REG3G: variants seen among roughly 807,000 people sequenced by gnomAD.
The protein encoded by REG3G is regenerating islet-derived protein 3-gamma.
In REG3G, 19 loss-of-function variants were observed where a neutral mutation model predicts 20.9. The ratio of observed to expected loss-of-function variants is 0.91; its 90% CI spans 0.64 to 1.34. REG3G has a LOEUF of 1.34. Among genes scored for constraint, REG3G ranks in the 40% most tolerant of loss-of-function variants. REG3G has a pLI of 0.00. For synonymous variants in REG3G, 89 were observed against 77.4 expected (o/e 1.15, Z -0.79); for missense variants, 235 against 205.0 (o/e 1.15, Z -0.89).
intron 5 of REG3G, 110 bp downstream of exon 5, chr2:79,028,043 C>T: frequency 2.9e-6 from 4 of 1,385,778 alleles, no homozygotes; most frequent in East Asian, 2.3e-5. Context: ...TATGTGCCTT[C>T]TCCCGTCTCC....
intron 4 of REG3G, 25 bp downstream of exon 4, chr2:79,027,196 G>C (rs1671647513): frequency 1.2e-6 from 2 of 1,612,172 alleles, no homozygotes; most frequent in Non-Finnish European, 1.7e-6. Flanking sequence ...TCCCCTCTCT[G>C]TTACCTCTCA....
chr2:79,026,362 T>A, intron 2 of REG3G, 193 bp downstream of exon 2: 1 of 623,662 alleles, frequency 1.6e-6, no homozygotes, highest in Non-Finnish European at 2.8e-6. Context: ...AACAATGGAA[T>A]GAGATGGCTT....
intron 4 of REG3G, chr2:79,027,395 T>C (rs1573154596): frequency 1.8e-6 from 1 of 542,386 alleles, no homozygotes; most frequent in Non-Finnish European, 3.2e-6. Context: ...GTAAAACTTT[T>C]ACATAATTCT....
chr2:79,027,639 T>A (rs1012340359), intron 4 of REG3G, among the ~76,000 whole-genome samples, 168 bp from the exon 5 acceptor site: 9 of 152,096 alleles, frequency 5.9e-5, no homozygotes, highest in Admixed American at 2.0e-4. Context: ...CCCAAAGCAA[T>A]GAGGAGTTAA....
At chr2:79,027,205 C>A in intron 4 of REG3G, 34 bp downstream of exon 4, 1 of 1,609,860 alleles carries the variant, frequency 6.2e-7, no homozygotes, top group Non-Finnish European at 8.5e-7. Context: ...TGTTACCTCT[C>A]AAGGTACTGT....
Position 79,026,059 on chromosome 2 carries a change from T to C in REG3G, c.-35T>C, listed in dbSNP as rs1671609465. 1 of 1,606,600 alleles carries C rather than the reference T, an allele frequency of 6.2e-7. No homozygotes were observed. The highest frequency in any genetic ancestry group is 1.1e-5 in the South Asian group (1 of 90,910). On this transcript the variant is annotated 5_prime_UTR_variant, in exon 2 of 6. Transcript: ENST00000272324. ...GTCCTCCCGCTGACCACACTTCCTT[T>C]AGTGACCCGATTGCCTCCTCAAGTC...
At chr2:79,028,099 C>G in intron 5 of REG3G, 110 bp from the exon 6 acceptor site, 1 of 1,271,100 alleles carries the variant, frequency 7.9e-7, no homozygotes, top group Non-Finnish European at 1.1e-6. Flanking sequence ...GATTGAGAAA[C>G]TGGTGAAGAT....
rs147143164 is a variant in REG3G, at chr2:79,027,871, G to A, written c.398G>A (p.Trp133Ter). The change falls in exon 5 of 6, where the codon TGG becomes TAG. Residue 133 changes from tryptophan (W) to a stop codon, truncating the protein, a stop_gained. Coordinates refer to ENST00000272324, the MANE Select transcript of REG3G (RefSeq NM_001008387.3). LOFTEE classifies it high-confidence loss of function. The stretch of plus-strand genomic sequence containing the variant: ...ACTGATGTGATGAATTACTTTGCAT[G>A]GGAGAAAAATCCCTCCACCATCTTA... ...SSTDVMNYFA[W>*]EKNPSTILNP... 2.0e-4 allele frequency: 321 copies of A among 1,613,998 alleles called. 2 individuals are homozygous for A. Among genetic ancestry groups the A allele is most frequent in the Middle Eastern group, 8.3e-4 (5 of 6,060 alleles).
rs558631285 is a variant in REG3G, at chr2:79,028,198, T to G, written c.461-11T>G. 4.4e-6 allele frequency: 7 copies of G among 1,601,130 alleles called. No homozygotes were observed. In the African/African-American group the frequency reaches 5.3e-5, roughly 12 times the overall value. ...CCCCAGCCCCATGCCTTTTATATTC[T>G]GTCTCCCTAGGATTTCTGAAGTGGA... On this transcript the variant is annotated splice_polypyrimidine_tract_variant and intron_variant, in intron 5 of 5. Coordinates refer to ENST00000272324, the MANE Select transcript of REG3G (RefSeq NM_001008387.3).
At chr2:79,026,436 T>C in intron 2 of REG3G, 1 of 596,472 alleles carries the variant, frequency 1.7e-6, no homozygotes. Context: ...CAATGAGATG[T>C]GGGGAGGGAC....
At position 79,027,024 on chromosome 2, in the gene REG3G, C is replaced by A. The variant is rs756777469; in HGVS notation, c.196-10C>A. On this transcript the variant is annotated splice_polypyrimidine_tract_variant and intron_variant, in intron 3 of 5. Transcript: ENST00000272324. ...CAGGCTCCATCTCATTCTCTTTGTC[C>A]CCCTCAAAGCTGGCTTGCCAGAAGC... The A allele has an allele frequency of 6.2e-7, 1 of 1,613,834 alleles. No homozygotes were observed. The highest frequency in any genetic ancestry group is 2.2e-5 in the East Asian group (1 of 44,880).
At position 79,026,002 on chromosome 2, in the gene REG3G, GA is replaced by G. The variant is rs1671607608; in HGVS notation, c.-87del. 47 of 1,261,408 alleles carry G rather than the reference GA, an allele frequency of 3.7e-5. 2 individuals carry two copies. The South Asian group carries it at 4.5e-4, about 12-fold the overall frequency. The allele number at this position is 1,261,408 out of a possible 1,614,324, so 78.1% of individuals were successfully genotyped here. A position where few individuals can be genotyped will look rare whatever the true frequency, so the allele number is the denominator to read the frequency against. On this transcript the variant is annotated 5_prime_UTR_variant, in exon 2 of 6. Transcript: ENST00000272324. Reference sequence around the variant, plus strand: ...CTTCAGTCCTAGGGGACTACAGAAGGAAAAAGACAAGAGGCAGTAGGATATC... The same window carrying G: ...CTTCAGTCCTAGGGGACTACAGAAGGAAAAGACAAGAGGCAGTAGGATATC...
rs558903791 is a variant in REG3G, at chr2:79,028,335, A to G, written c.*59A>G. 8.1e-5 allele frequency: 92 copies of G among 1,139,464 alleles called. No homozygotes were observed. The highest frequency in any genetic ancestry group is 4.4e-4 in the Admixed American group (26 of 59,380). The allele number at this position is 1,139,464 out of a possible 1,614,324, so 70.6% of individuals were successfully genotyped here. A position where few individuals can be genotyped will look rare whatever the true frequency, so the allele number is the denominator to read the frequency against. On this transcript the variant is annotated 3_prime_UTR_variant, in exon 6 of 6. Coordinates refer to ENST00000272324, the MANE Select transcript of REG3G (RefSeq NM_001008387.3). ...TGCAGCTCATCATGGACATGAGACC[A>G]GTGTGAAGACTCACCCTGGAAGAGA...
At chr2:79,026,283 C>A in intron 2 of REG3G, 114 bp downstream of exon 2, 2 of 957,706 alleles carry the variant, frequency 2.1e-6, no homozygotes, top group Non-Finnish European at 3.3e-6. Context: ...ATGAAACTGC[C>A]TGCAGTTCCT....
intron 4 of REG3G, 23 bp from the exon 5 acceptor site, chr2:79,027,784 T>C (rs774648158): frequency 1.2e-5 from 19 of 1,613,634 alleles, no homozygotes; most frequent in Non-Finnish European, 1.5e-5. Flanking sequence ...TTTCTTCACC[T>C]GGCTGCCTCC....
chr2:79,025,969 CA>C lies in REG3G; in HGVS notation c.-111-12del, dbSNP rs1307013178. On this transcript the variant is annotated splice_polypyrimidine_tract_variant and intron_variant, in intron 1 of 5. Coordinates refer to ENST00000272324, the MANE Select transcript of REG3G (RefSeq NM_001008387.3). ...AACTGTAGAAGATGATGAATGTGACCAAGATCACTTCAGTCCTAGGGGACTA... is the reference window on the plus strand; with the variant it reads ...AACTGTAGAAGATGATGAATGTGACCAGATCACTTCAGTCCTAGGGGACTA... 1 of 858,870 alleles carries C rather than the reference CA, an allele frequency of 1.2e-6. No individual in the cohort carries two copies. Among genetic ancestry groups the C allele is most frequent in the African/African-American group, 1.7e-5 (1 of 59,534 alleles). 53.2% of individuals were successfully genotyped at this position (858,870 alleles called of 1,614,324 possible).
At position 79,025,991 on chromosome 2, in the gene REG3G, G is replaced by T. The variant is rs1445416513; in HGVS notation, c.-103G>T. On this transcript the variant is annotated 5_prime_UTR_variant, in exon 2 of 6. Coordinates refer to ENST00000272324, the MANE Select transcript of REG3G (RefSeq NM_001008387.3). ...GACCAAGATCACTTCAGTCCTAGGG[G>T]ACTACAGAAGGAAAAAGACAAGAGG... The T allele has an allele frequency of 9.4e-7, 1 of 1,067,082 alleles. No homozygotes were observed. The highest frequency in any genetic ancestry group is 1.9e-5 in the Admixed American group (1 of 52,628). 66.1% of individuals were successfully genotyped at this position (1,067,082 alleles called of 1,614,324 possible).
Position 79,027,815 on chromosome 2 carries a change from G to T in REG3G, c.342G>T (p.Glu114Asp), listed in dbSNP as rs1441572208. 8.1e-6 allele frequency: 13 copies of T among 1,614,010 alleles called. No individual in the cohort carries two copies. The highest frequency in any genetic ancestry group is 3.3e-4 in the Middle Eastern group (2 of 6,058). Residue 114 changes from glutamate to aspartate, a missense_variant, in exon 5 of 6, where the codon GAG becomes GAT. Glu to Asp is a conservative substitution (Grantham distance 45). Transcript: ENST00000272324. Reference protein sequence around the residue: ...IGLHDPTQGSEPDGDGWEWSS... With the variant: ...IGLHDPTQGSDPDGDGWEWSS... ...CCTCCTCTTCTCTATAGGGCTCTGAGCCTGATGGAGATGGATGGGAGTGGA... is the reference window on the plus strand; with the variant it reads ...CCTCCTCTTCTCTATAGGGCTCTGATCCTGATGGAGATGGATGGGAGTGGA...
chr2:79,028,129 C>G (rs35163469), intron 5 of REG3G, 80 bp from the exon 6 acceptor site: 1 of 1,321,544 alleles, frequency 7.6e-7, no homozygotes, highest in East Asian at 2.3e-5. Context: ...GCTTTAAATC[C>G]TAGGCTAAAA....
Sources: gnomAD v4.1 joint callset for allele counts (sites outside exome capture counted in the v4.1 genomes callset) on GRCh38, gnomAD v4.1.1 for gene constraint, MANE v1.5 for transcripts, NCBI Gene and HGNC (gene_info 2026-07-23, HGNC 2026-07-21) for gene names.